Variants in CARMIL1 observed in about 807,000 individuals in gnomAD.
The protein encoded by CARMIL1 is capping protein regulator and myosin 1 linker 1, also known as F-actin-uncapping protein LRRC16A.
Under a neutral mutation model 177.1 loss-of-function variants are expected in CARMIL1, and 90 were observed. The observed-to-expected ratio is 0.51, with a 90% CI of 0.43 to 0.61. CARMIL1 has a LOEUF of 0.61. Ranked by LOEUF, CARMIL1 falls within the 20% of genes least tolerant of loss-of-function variation. The probability of loss-of-function intolerance (pLI) is 0.00; values close to 1 mark genes in which losing one functional copy is unlikely to be tolerated. For synonymous variants in CARMIL1, 577 were observed against 606.2 expected (o/e 0.95, Z 0.71); for missense variants, 1,380 against 1,667.0 (o/e 0.83, Z 3.00).
At chr6:25,404,137 T>C (rs1031744909) in intron 2 of CARMIL1, among the ~76,000 whole-genome samples, 3 of 152,224 alleles carry the variant, frequency 2.0e-5, no homozygotes, top group African/African-American at 7.2e-5. Context: ...AGGCTCTGCT[T>C]TCTGCCTGGC....
chr6:25,343,939 C>G (rs1347285588), intron 2 of CARMIL1, among the ~76,000 whole-genome samples: 2 of 152,176 alleles, frequency 1.3e-5, no homozygotes, highest in Non-Finnish European at 2.9e-5. Flanking sequence ...GCCACCTCCT[C>G]TGACTTTCAG....
At chr6:25,369,379 GTTTTTT>G (rs5875032) in intron 2 of CARMIL1, among the ~76,000 whole-genome samples, 15 of 140,848 alleles carry the variant, frequency 1.1e-4, no homozygotes, top group Non-Finnish European at 1.5e-4. Flanking sequence ...GCTGTATTTT[GTTTTTT>G]TTTTTTTTTT....
intron 2 of CARMIL1, among the ~76,000 whole-genome samples, chr6:25,363,554 G>T (rs1789450613): frequency 1.3e-5 from 2 of 152,210 alleles, no homozygotes; most frequent in African/African-American, 4.8e-5. Context: ...CCGGGATAAT[G>T]ACCGTTGAGT....
chr6:25,492,165 C>T (rs191114535), intron 15 of CARMIL1, 141 bp downstream of exon 15: 3 of 652,666 alleles, frequency 4.6e-6, no homozygotes, highest in Admixed American at 6.1e-5. Context: ...GAATATTAGT[C>T]CTTGAACATT....
intron 2 of CARMIL1, among the ~76,000 whole-genome samples, chr6:25,287,177 G>A (rs1781577149): frequency 6.6e-6 from 1 of 152,218 alleles, no homozygotes; most frequent in African/African-American, 2.4e-5. Context: ...TTAATCCATT[G>A]TTAGCCTACT....
intron 2 of CARMIL1, among the ~76,000 whole-genome samples, chr6:25,362,130 A>G (rs981771295): frequency 3.3e-5 from 5 of 152,188 alleles, no homozygotes; most frequent in Non-Finnish European, 7.3e-5. Context: ...CTGCTGTTCC[A>G]CTTGTAAGCA....
chr6:25,479,853 T>A (rs1801926758), intron 11 of CARMIL1, among the ~76,000 whole-genome samples: 1 of 152,150 alleles, frequency 6.6e-6, no homozygotes. Flanking sequence ...TACCATAGTT[T>A]TTAGATTTAA....
chr6:25,425,419 C>G (rs1253605884), intron 3 of CARMIL1, among the ~76,000 whole-genome samples: 1 of 152,150 alleles, frequency 6.6e-6, no homozygotes, highest in Non-Finnish European at 1.5e-5. Flanking sequence ...TTTTTCTGCT[C>G]TAAAATTTAT....
intron 1 of CARMIL1, among the ~76,000 whole-genome samples, chr6:25,282,544 T>G (rs896289303): frequency 6.6e-6 from 1 of 152,172 alleles, no homozygotes; most frequent in African/African-American, 2.4e-5. Flanking sequence ...GCTCTAAACT[T>G]TCATGGCGGT....
chr6:25,613,116 T>G (rs1302686738), intron 36 of CARMIL1, among the ~76,000 whole-genome samples: 1 of 152,246 alleles, frequency 6.6e-6, no homozygotes, highest in African/African-American at 2.4e-5. Context: ...ATTAGGAAGA[T>G]CAAGTTACTT....
chr6:25,406,234 T>C (rs779023384), intron 2 of CARMIL1, among the ~76,000 whole-genome samples: 87 of 152,154 alleles, frequency 5.7e-4, no homozygotes, highest in Non-Finnish European at 7.8e-4. Flanking sequence ...GGAAGTCCTT[T>C]ACCTGAAGAA....
At chr6:25,450,567 TCTCA>T in intron 7 of CARMIL1, 67 bp from the exon 8 acceptor site, 1 of 1,071,172 alleles carries the variant, frequency 9.3e-7, no homozygotes, top group Non-Finnish European at 1.4e-6. Context: ...ATTGTCTAAT[TCTCA>T]CTGTCTCTCT....
At chr6:25,522,450 TG>T (rs1806669290) in intron 23 of CARMIL1, among the ~76,000 whole-genome samples, 1 of 152,194 alleles carries the variant, frequency 6.6e-6, no homozygotes, top group South Asian at 2.1e-4. Context: ...CCTCAGAAAC[TG>T]GGGTAGGACT....
chr6:25,553,986 CTG>C (rs1810378026), intron 27 of CARMIL1, 21 bp from the exon 28 acceptor site: 1 of 1,500,632 alleles, frequency 6.7e-7, no homozygotes, highest in Non-Finnish European at 9.2e-7. Flanking sequence ...AAATGGTACT[CTG>C]TCCTTTTGAT....
intron 26 of CARMIL1, among the ~76,000 whole-genome samples, chr6:25,542,810 G>T (rs1048279221): frequency 1.3e-5 from 2 of 151,900 alleles, no homozygotes; most frequent in Admixed American, 1.3e-4. Context: ...AATACCATTT[G>T]TCTATATAAA....
intron 36 of CARMIL1, among the ~76,000 whole-genome samples, chr6:25,616,214 A>G (rs2151351472): frequency 6.6e-6 from 1 of 152,336 alleles, no homozygotes; most frequent in African/African-American, 2.4e-5. Context: ...CATTAACTCA[A>G]GCTGCCTAAG....
chr6:25,294,217 C>T (rs756091462), intron 2 of CARMIL1, among the ~76,000 whole-genome samples: 3 of 152,166 alleles, frequency 2.0e-5, no homozygotes, highest in Non-Finnish European at 4.4e-5. Context: ...TTAGTTCCTG[C>T]TAAGAAGGCA....
rs115535520 is a variant in CARMIL1 at position 25,307,816 on chromosome 6, C to T, written c.138+22907C>T. Among the ~76,000 whole-genome samples the T allele has an allele frequency of 3.6e-3, 548 of 152,304 alleles. 2 individuals are homozygous for T. The highest frequency in any genetic ancestry group is 0.013 in the African/African-American group (530 of 41,566). Reference sequence around the variant, plus strand: ...GGGACCACTCTGCAGGCATCTAAATCTGAAGTGTAAGCCTCTTTTTTGATA... The same window carrying T: ...GGGACCACTCTGCAGGCATCTAAATTTGAAGTGTAAGCCTCTTTTTTGATA... On this transcript the variant is annotated intron_variant, in intron 2 of 36. Coordinates refer to ENST00000329474, the MANE Select transcript of CARMIL1 (RefSeq NM_017640.6).
At chr6:25,474,125 TGA>T (rs1208780176) in intron 11 of CARMIL1, among the ~76,000 whole-genome samples, 3 of 151,660 alleles carry the variant, frequency 2.0e-5, no homozygotes, top group Non-Finnish European at 4.4e-5. Context: ...TTTTTTTTTT[TGA>T]GAAGGAGTCT....
Sources: gnomAD v4.1 joint callset for allele counts (sites outside exome capture counted in the v4.1 genomes callset) on GRCh38, gnomAD v4.1.1 for gene constraint, MANE v1.5 for transcripts, NCBI Gene and HGNC (gene_info 2026-07-23, HGNC 2026-07-21) for gene names.